Variants in KCNMA1 observed in about 807,000 individuals in gnomAD.
The protein encoded by KCNMA1 is potassium calcium-activated channel subfamily M alpha 1, also known as Calcium-activated potassium channel subunit alpha-1.
In KCNMA1, 29 loss-of-function variants were observed where a neutral mutation model predicts 140.0. That is an observed-to-expected ratio of 0.21 (90% CI 0.15 to 0.28). KCNMA1 has a LOEUF of 0.28. Ranked by LOEUF, KCNMA1 falls within the 10% of genes least tolerant of loss-of-function variation. The pLI is 1.00. For missense variants in KCNMA1, 880 were observed against 1,602.2 expected, an observed-to-expected ratio of 0.55 and a Z score of 7.70; for synonymous variants, 612 against 611.9, an observed-to-expected ratio of 1.00 and a Z score of 0.00.
intron 19 of KCNMA1, among the ~76,000 whole-genome samples, chr10:76,971,622 C>T (rs1475532072): frequency 2.0e-5 from 3 of 152,036 alleles, no homozygotes; most frequent in East Asian, 3.9e-4. Context: ...CACCCACAGC[C>T]GACCCCCTGT....
chr10:76,941,120 GAAGGGAAGGGA>G lies in KCNMA1; in HGVS notation c.2902+3642_2902+3652del, dbSNP rs1270737698. ...GAAAGAAGGGAGGGAGGGAGGGAGG[GAAGGGAAGGGA>G]AGGGAAGGGAAGGGAAGGGAAGGGA... On this transcript the variant is annotated intron_variant, in intron 23 of 27. Transcript: ENST00000286628. Among the ~76,000 whole-genome samples the G allele has an allele frequency of 3.0e-4, 17 of 55,936 alleles. No individual in the cohort carries two copies. The Middle Eastern group carries it at 0.027, about 90-fold the overall frequency. 36.7% of individuals were successfully genotyped at this position (55,936 alleles called of 152,430 possible). A position where few individuals can be genotyped will look rare whatever the true frequency, so the allele number is the denominator to read the frequency against.
At chr10:77,620,983 C>T (rs534500098) in intron 1 of KCNMA1, among the ~76,000 whole-genome samples, 41 of 152,224 alleles carry the variant, frequency 2.7e-4, no homozygotes, top group African/African-American at 9.9e-4. Flanking sequence ...CTTACATGAC[C>T]CCATATCCCC....
At chr10:77,234,737 C>G (rs1257669609) in intron 3 of KCNMA1, among the ~76,000 whole-genome samples, 1 of 152,210 alleles carries the variant, frequency 6.6e-6, no homozygotes, top group Non-Finnish European at 1.5e-5. Context: ...ACCATACTTA[C>G]AGTTAAGGGA....
intron 9 of KCNMA1, among the ~76,000 whole-genome samples, chr10:77,102,491 T>A (rs756616859): frequency 4.6e-5 from 7 of 152,228 alleles, no homozygotes; most frequent in Non-Finnish European, 1.0e-4. Context: ...GCAGGGAAGA[T>A]ACGCAGGATG....
At chr10:77,295,698 G>A (rs927028941) in intron 2 of KCNMA1, among the ~76,000 whole-genome samples, 18 of 145,108 alleles carry the variant, frequency 1.2e-4, no homozygotes, top group Admixed American at 1.0e-3. Context: ...GGAGAATGGC[G>A]TGAACCCGGG....
intron 1 of KCNMA1, among the ~76,000 whole-genome samples, chr10:77,594,258 G>T (rs998511265): frequency 1.3e-5 from 2 of 152,086 alleles, no homozygotes; most frequent in Non-Finnish European, 2.9e-5. Context: ...CTCACCATTC[G>T]GTTGCAATTT....
chr10:77,491,742 C>T (rs1336195145), intron 1 of KCNMA1, among the ~76,000 whole-genome samples: 1 of 151,824 alleles, frequency 6.6e-6, no homozygotes, highest in Non-Finnish European at 1.5e-5. Context: ...CACACACACA[C>T]ACACACACAC....
intron 1 of KCNMA1, among the ~76,000 whole-genome samples, chr10:77,496,522 G>A (rs35727882): frequency 0.15 from 22,531 of 150,322 alleles, 1,993 homozygotes; most frequent in Middle Eastern, 0.25. Context: ...GCGTGAACCC[G>A]GGAGGCAAAG....
At chr10:77,532,848 T>C (rs900747921) in intron 1 of KCNMA1, among the ~76,000 whole-genome samples, 1 of 152,194 alleles carries the variant, frequency 6.6e-6, no homozygotes, top group African/African-American at 2.4e-5. Flanking sequence ...AACCTTCCTA[T>C]TGGCTCTATG....
intron 1 of KCNMA1, chr10:77,498,625 G>A (rs956886094): frequency 1.3e-5 from 2 of 152,210 alleles, no homozygotes; most frequent in African/African-American, 4.8e-5. Flanking sequence ...TCATCATCCA[G>A]TGCTCTAGTG....
At chr10:77,603,412 C>T (rs2083351334) in intron 1 of KCNMA1, among the ~76,000 whole-genome samples, 1 of 152,152 alleles carries the variant, frequency 6.6e-6, no homozygotes, top group Non-Finnish European at 1.5e-5. Context: ...AGATTTCCCT[C>T]TGTTGTCCCA....
At chr10:77,119,640 T>C (rs1305912158) in intron 6 of KCNMA1, among the ~76,000 whole-genome samples, 1 of 152,172 alleles carries the variant, frequency 6.6e-6, no homozygotes, top group African/African-American at 2.4e-5. Flanking sequence ...GAAATCAAGG[T>C]TATTGGCAAT....
chr10:77,113,003 G>A (rs1365333276), intron 6 of KCNMA1, among the ~76,000 whole-genome samples: 1 of 152,050 alleles, frequency 6.6e-6, no homozygotes, highest in African/African-American at 2.4e-5. Context: ...TAAAAATTCA[G>A]TAATGCTATT....
intron 2 of KCNMA1, among the ~76,000 whole-genome samples, chr10:77,344,022 C>T (rs992346049): frequency 3.9e-5 from 6 of 152,224 alleles, no homozygotes; most frequent in Non-Finnish European, 5.9e-5. Flanking sequence ...GCCACAGTCT[C>T]TTCAGTGCCA....
At chr10:77,239,379 T>C (rs1015847394) in intron 3 of KCNMA1, among the ~76,000 whole-genome samples, 2 of 152,174 alleles carry the variant, frequency 1.3e-5, no homozygotes, top group Non-Finnish European at 2.9e-5. Context: ...TTTTCTGGCA[T>C]GGAGTGAGGG....
chr10:77,582,801 T>A (rs998824808), intron 1 of KCNMA1, among the ~76,000 whole-genome samples: 1 of 152,200 alleles, frequency 6.6e-6, no homozygotes, highest in African/African-American at 2.4e-5. Context: ...CGCTCAGGTG[T>A]TTGGTTCCAT....
chr10:77,599,183 C>T (rs555298833), intron 1 of KCNMA1, among the ~76,000 whole-genome samples: 6 of 152,224 alleles, frequency 3.9e-5, no homozygotes, highest in Non-Finnish European at 8.8e-5. Flanking sequence ...GAATCAGCAG[C>T]GTGGATGCCT....
At chr10:77,025,483 AAAATC>A (rs1565615498) in intron 16 of KCNMA1, 3 of 1,583,252 alleles carry the variant, frequency 1.9e-6, no homozygotes, top group Non-Finnish European at 2.6e-6. Flanking sequence ...AAAAGAATTT[AAAATC>A]AAACAATTTG....
In KCNMA1 at chr10:77,001,836, G is replaced by A. The variant is rs112290138; in HGVS notation, c.2093-256C>T. ...ATGATTTTTCTCCCCTAGGTAAAGC[G>A]GTGACCACAGGAAAAGGGCATGGCT... On this transcript the variant is annotated intron_variant, in intron 18 of 27. Coordinates refer to ENST00000286628, the MANE Select transcript of KCNMA1 (RefSeq NM_001161352.2). Among the ~76,000 whole-genome samples the A allele has an allele frequency of 8.3e-4, 127 of 152,242 alleles. 1 individual carries two copies. Among genetic ancestry groups the A allele is most frequent in the African/African-American group, 3.0e-3 (123 of 41,532 alleles).
Sources: allele counts gnomAD v4.1 joint callset (sites outside exome capture counted in the v4.1 genomes callset), GRCh38; gene constraint gnomAD v4.1.1; transcripts MANE v1.5; gene names NCBI Gene and HGNC (gene_info 2026-07-23, HGNC 2026-07-21).